The following TMPRSS9 variants were observed in gnomAD, a reference collection of about 807,000 sequenced individuals.
TMPRSS9 encodes transmembrane protease serine 9.
A neutral mutation model predicts 111.4 loss-of-function variants in TMPRSS9; 113 were observed. That is an observed-to-expected ratio of 1.01 (90% CI 0.87 to 1.19). The LOEUF is 1.19. TMPRSS9 is among the 50% of genes most tolerant of loss of function. The pLI, the probability that TMPRSS9 is intolerant of heterozygous loss-of-function variation, is 0.00. For missense variants in TMPRSS9, 1,803 were observed against 1,513.1 expected, an observed-to-expected ratio of 1.19 and a Z score of -3.18; for synonymous variants, 805 against 659.1, an observed-to-expected ratio of 1.22 and a Z score of -3.39.
At chr19:2,401,146 C>T (rs542815546) in intron 4 of TMPRSS9, among the ~76,000 whole-genome samples, 22 of 152,024 alleles carry the variant, frequency 1.4e-4, no homozygotes, top group East Asian at 9.7e-4. Context: ...TGGTGGCGGG[C>T]GCCTGTAGTC....
chr19:2,415,777 C>A lies in TMPRSS9; in HGVS notation c.1681C>A (p.His561Asn), dbSNP rs765108993. Residue 561 changes from histidine to asparagine, a missense_variant, in exon 11 of 18, where the codon CAC (histidine) becomes AAC (asparagine). Coordinates refer to ENST00000648592, the Ensembl canonical transcript of TMPRSS9. ...GGTCAGCCTGAAGGAAGGGTCCCGG[C>A]ACTTCTGCGGAGCAACTGTGGTGGG... is the stretch of plus-strand genomic sequence containing the variant. 45 of 1,609,772 alleles carry A rather than the reference C, an allele frequency of 2.8e-5. No individual in the cohort carries two copies. In the Admixed American group the frequency reaches 4.0e-4, roughly 14 times the overall value.
chr19:2,398,070 C>T (rs62120706), intron 2 of TMPRSS9, among the ~76,000 whole-genome samples: 47,842 of 148,658 alleles, frequency 0.32, 8,008 homozygotes, highest in East Asian at 0.52. Context: ...CTGAGGTGGG[C>T]GGATCACGAG....
At chr19:2,413,215 A>C (rs1223291484) in intron 9 of TMPRSS9, among the ~76,000 whole-genome samples, 2 of 151,990 alleles carry the variant, frequency 1.3e-5, no homozygotes, top group Non-Finnish European at 2.9e-5. Context: ...ACAAACAAAA[A>C]AACGATACAC....
intron 1 of TMPRSS9, among the ~76,000 whole-genome samples, chr19:2,394,537 CAG>C (rs988040618): frequency 5.9e-5 from 9 of 152,212 alleles, no homozygotes; most frequent in African/African-American, 1.9e-4. Context: ...AGAGTAGAAA[CAG>C]AGTGAGGTTG....
At chr19:2,400,321 C>T (rs150112624) in intron 4 of TMPRSS9, among the ~76,000 whole-genome samples, 1 of 152,152 alleles carries the variant, frequency 6.6e-6, no homozygotes, top group East Asian at 1.9e-4. Flanking sequence ...GTGGGCTGAT[C>T]ACTTCAGATC....
chr19:2,386,654 T>C (rs1272751169), upstream of TMPRSS9, among the ~76,000 whole-genome samples: 1 of 152,104 alleles, frequency 6.6e-6, no homozygotes, highest in African/African-American at 2.4e-5. Context: ...AGCGTGACAA[T>C]GGGAGAGTGA....
chr19:2,368,564 G>C (rs1970264507), intron 1 of TMPRSS9, among the ~76,000 whole-genome samples: 1 of 152,050 alleles, frequency 6.6e-6, no homozygotes, highest in South Asian at 2.1e-4. Flanking sequence ...ACCTGACGCG[G>C]GTCTTAGCTG....
At chr19:2,401,986 G>A in exon 5 of TMPRSS9, 1 of 1,611,602 alleles carries the variant, frequency 6.2e-7, no homozygotes, top group Non-Finnish European at 8.5e-7. Context: ...GAGACATAAG[G>A]GACCCTTGGC....
chr19:2,411,185 A>G (rs899408996), intron 9 of TMPRSS9, among the ~76,000 whole-genome samples: 1 of 150,794 alleles, frequency 6.6e-6, no homozygotes, highest in Non-Finnish European at 1.5e-5. Context: ...CTGTAATCCC[A>G]GCTCCTCGGG....
chr19:2,416,842 T>C (rs201321906), intron 12 of TMPRSS9, 33 bp downstream of exon 13: 1 of 1,576,196 alleles, frequency 6.3e-7, no homozygotes, highest in East Asian at 2.2e-5. Context: ...GAACGGTGGA[T>C]TTATTCTCCA....
rs1294065290 is a variant in TMPRSS9 at position 2,417,989 on chromosome 19, C to G, written c.2018-13C>G. ...CACTGTGCACGTGGCCTTTCTGGCT[C>G]TTTCCCTGGTAGCCACCAAGCCCGA... is the stretch of plus-strand genomic sequence containing the variant. On this transcript the variant is annotated splice_polypyrimidine_tract_variant and intron_variant, in intron 12 of 17. Transcript: ENST00000648592. 1.9e-6 allele frequency: 3 copies of G among 1,611,560 alleles called. No homozygotes were observed. In the South Asian group the frequency reaches 3.3e-5, roughly 18 times the overall value.
chr19:2,361,731 G>C (rs1970200482), intron 1 of TMPRSS9, among the ~76,000 whole-genome samples: 1 of 152,196 alleles, frequency 6.6e-6, no homozygotes. Context: ...TCATTTTATA[G>C]GGGGTCAAAC....
chr19:2,415,931 T>C, intron 11 of TMPRSS9, 90 bp downstream of exon 12: 1 of 1,415,870 alleles, frequency 7.1e-7, no homozygotes, highest in Non-Finnish European at 9.4e-7. Context: ...GGCTGCTGCA[T>C]GGACCCCACT....
chr19:2,424,341 C>T, intron 15 of TMPRSS9, 84 bp downstream of exon 16: 1 of 1,253,150 alleles, frequency 8.0e-7, no homozygotes, highest in Admixed American at 4.1e-5. Flanking sequence ...GCACCCTGAC[C>T]CCCTCCTTTG....
chr19:2,405,455 A>C, exon 7 of TMPRSS9: 1 of 1,608,070 alleles, frequency 6.2e-7, no homozygotes, highest in Non-Finnish European at 8.5e-7. Context: ...TTTCCGTGGC[A>C]AGCCAGCCTT....
chr19:2,381,361 T>A, intron 1 of TMPRSS9, among the ~76,000 whole-genome samples: 1 of 150,644 alleles, frequency 6.6e-6, no homozygotes, highest in East Asian at 1.9e-4. Context: ...TGTGTGTGTG[T>A]GCGTGTGTGT....
intron 17 of TMPRSS9, 44 bp from the exon 19 acceptor site, chr19:2,425,883 G>C: frequency 6.5e-7 from 1 of 1,544,540 alleles, no homozygotes. Context: ...GCTGCTGTAG[G>C]GGAGGTACCG....
intron 9 of TMPRSS9, 43 bp from the exon 11 acceptor site, chr19:2,413,657 G>A: frequency 5.8e-6 from 9 of 1,563,906 alleles, no homozygotes; most frequent in Non-Finnish European, 7.8e-6. Flanking sequence ...TGTCTGGACT[G>A]GCTGCTGCCG....
At chr19:2,398,654 A>G in intron 2 of TMPRSS9, 141 bp from the exon 4 acceptor site, 1 of 417,246 alleles carries the variant, frequency 2.4e-6, no homozygotes, top group South Asian at 2.1e-5. Flanking sequence ...CATATAGATA[A>G]AAATTTAAAA....
Sources: allele counts gnomAD v4.1 joint callset (sites outside exome capture counted in the v4.1 genomes callset), GRCh38; gene constraint gnomAD v4.1.1; transcripts MANE v1.5; gene names NCBI Gene and HGNC (gene_info 2026-07-23, HGNC 2026-07-21).